Variants in UNC13C observed in about 807,000 individuals in gnomAD.
The protein encoded by UNC13C is protein unc-13 homolog C.
Under a neutral mutation model 245.4 loss-of-function variants are expected in UNC13C, and 174 were observed. The observed-to-expected ratio is 0.71, with a 90% CI of 0.63 to 0.80. The LOEUF is 0.80. Ranked by LOEUF, UNC13C falls within the 30% of genes least tolerant of loss-of-function variation. The pLI is 0.00. For missense variants in UNC13C, 2,829 were observed against 2,602.9 expected (o/e 1.09, Z -1.89); for synonymous variants, 992 against 895.1 (o/e 1.11, Z -1.93).
rs745352845 is a variant in UNC13C, at chr15:54,333,842, T to A, written c.4570T>A (p.Phe1524Ile). 1 of 1,598,972 alleles carries A rather than the reference T, an allele frequency of 6.3e-7. No homozygotes were observed. The highest frequency in any genetic ancestry group is 8.5e-7 in the Non-Finnish European group (1 of 1,170,832). The stretch of plus-strand genomic sequence containing the variant: ...TGTTGACCTGTTAACAAGTATCACC[T>A]TTTTTAGGATGAAGGTATCTCATTT... ...STVDLLTSIT[F>I]FRMKVLELQS... The change falls in exon 16 of 33, where the codon TTT becomes ATT. Residue 1524 changes from phenylalanine to isoleucine, a missense_variant. Physicochemically the swap from Phe to Ile is conservative, Grantham distance 21. Transcript: ENST00000260323.
chr15:54,380,426 A>G (rs1347437397), intron 17 of UNC13C, among the ~76,000 whole-genome samples: 11 of 152,308 alleles, frequency 7.2e-5, no homozygotes, highest in Non-Finnish European at 1.0e-4. Context: ...TAATGCTACA[A>G]TGAATATGGG....
At chr15:54,033,732 G>A (rs1896460702) in intron 2 of UNC13C, among the ~76,000 whole-genome samples, 1 of 152,178 alleles carries the variant, frequency 6.6e-6, no homozygotes, top group Non-Finnish European at 1.5e-5. Flanking sequence ...ATTTTTAAAT[G>A]TTAGGACAGC....
At chr15:54,485,323 G>T (rs1297517662) in intron 19 of UNC13C, among the ~76,000 whole-genome samples, 1 of 152,164 alleles carries the variant, frequency 6.6e-6, no homozygotes, top group Non-Finnish European at 1.5e-5. Flanking sequence ...ATTGAGCAAG[G>T]ATACAAAATT....
the UNC13C span, among the ~76,000 whole-genome samples, chr15:53,854,590 A>G: frequency 1.3e-5 from 2 of 152,164 alleles, no homozygotes; most frequent in African/African-American, 2.4e-5. Context: ...GGTTTGTCAA[A>G]GGTCAGATAG....
chr15:53,899,985 C>T, the UNC13C span, among the ~76,000 whole-genome samples: 2 of 152,164 alleles, frequency 1.3e-5, no homozygotes, highest in Non-Finnish European at 2.9e-5. Flanking sequence ...CGTTTTCTGC[C>T]ATATGTATAT....
At chr15:54,226,233 C>T (rs964003402) in intron 4 of UNC13C, among the ~76,000 whole-genome samples, 18 of 152,152 alleles carry the variant, frequency 1.2e-4, no homozygotes, top group African/African-American at 3.6e-4. Context: ...TTTGCATCAA[C>T]GCTCATCAGA....
the UNC13C span, among the ~76,000 whole-genome samples, chr15:53,939,821 G>T: frequency 6.6e-6 from 1 of 152,066 alleles, no homozygotes; most frequent in Admixed American, 6.6e-5. Flanking sequence ...ACGAGAGAGA[G>T]AGAGAGAGAG....
At chr15:54,119,961 G>T (rs2030554277) in intron 2 of UNC13C, among the ~76,000 whole-genome samples, 1 of 152,080 alleles carries the variant, frequency 6.6e-6, no homozygotes, top group Admixed American at 6.6e-5. Flanking sequence ...AGTTGGAAGA[G>T]GTCAGTTCAT....
At chr15:54,265,044 G>A (rs1403324294) in intron 9 of UNC13C, among the ~76,000 whole-genome samples, 1 of 151,944 alleles carries the variant, frequency 6.6e-6, no homozygotes, top group Non-Finnish European at 1.5e-5. Flanking sequence ...TTTCATATAA[G>A]TGTAGGTGTA....
chr15:54,164,936 C>T (rs2033113710), intron 4 of UNC13C, among the ~76,000 whole-genome samples: 1 of 152,100 alleles, frequency 6.6e-6, no homozygotes. Flanking sequence ...TGTAAAATAA[C>T]TTTTATTAAA....
chr15:54,146,438 G>T (rs1249041663), intron 4 of UNC13C, among the ~76,000 whole-genome samples: 2 of 152,150 alleles, frequency 1.3e-5, no homozygotes, highest in African/African-American at 4.8e-5. Context: ...ACCAGATAAT[G>T]AAATTAATAA....
Position 54,214,868 on chromosome 15 carries a change from G to C in UNC13C, c.3072-20162G>C, listed in dbSNP as rs145271601. ...ATATTTACTACAGCTTTGAACCACA[G>C]AAGTGTGACTTAGATGTTTAAAAGC... is the stretch of plus-strand genomic sequence containing the variant. On this transcript the variant is annotated intron_variant, in intron 4 of 32. Coordinates refer to ENST00000260323, the MANE Select transcript of UNC13C (RefSeq NM_001080534.3). Among the ~76,000 whole-genome samples the C allele has an allele frequency of 1.4e-3, 210 of 152,014 alleles. 1 individual carries two copies. Among genetic ancestry groups the C allele is most frequent in the African/African-American group, 4.9e-3 (205 of 41,508 alleles).
In UNC13C at chr15:54,610,378, G is replaced by T. The variant is rs185152869; in HGVS notation, c.6107-11949G>T. Reference sequence around the variant, plus strand: ...GCCTCCCTAGTATCTGGAATTACAGGCACACACCAACATGCCTAGCTAATT... The same window carrying T: ...GCCTCCCTAGTATCTGGAATTACAGTCACACACCAACATGCCTAGCTAATT... On this transcript the variant is annotated intron_variant, in intron 30 of 32. Coordinates refer to ENST00000260323, the MANE Select transcript of UNC13C (RefSeq NM_001080534.3). 9.1e-4 allele frequency among the ~76,000 whole-genome samples: 139 copies of T among 152,148 alleles called. 2 individuals are homozygous for T. The highest frequency in any genetic ancestry group is 7.9e-3 in the Admixed American group (120 of 15,286).
chr15:54,261,792 C>G (rs2036434018), intron 8 of UNC13C, among the ~76,000 whole-genome samples: 1 of 152,150 alleles, frequency 6.6e-6, no homozygotes, highest in Non-Finnish European at 1.5e-5. Context: ...ATCTGCTGGC[C>G]TCGGCCTCCC....
At chr15:53,968,241 G>A in the UNC13C span, 2 of 152,264 alleles carry the variant, frequency 1.3e-5, no homozygotes, top group South Asian at 4.1e-4. Context: ...CAGTATTACT[G>A]AAGCTCATTT....
chr15:54,175,751 A>G (rs1461669469), intron 4 of UNC13C, among the ~76,000 whole-genome samples: 1 of 152,070 alleles, frequency 6.6e-6, no homozygotes, highest in East Asian at 1.9e-4. Flanking sequence ...TAGTAAGTTT[A>G]GAAACTTTTA....
chr15:54,619,076 T>C (rs1403726990), intron 30 of UNC13C, among the ~76,000 whole-genome samples: 1 of 152,168 alleles, frequency 6.6e-6, no homozygotes, highest in Admixed American at 6.6e-5. Flanking sequence ...GGCAAGCAGC[T>C]TTTCTATGCC....
intron 2 of UNC13C, among the ~76,000 whole-genome samples, chr15:54,054,980 GTT>G (rs762179218): frequency 5.9e-5 from 9 of 152,048 alleles, no homozygotes; most frequent in Non-Finnish European, 8.8e-5. Flanking sequence ...GGCCTACACT[GTT>G]TGATCAGGAT....
At chr15:54,304,741 C>T (rs1247547135) in intron 13 of UNC13C, among the ~76,000 whole-genome samples, 1 of 150,582 alleles carries the variant, frequency 6.6e-6, no homozygotes, top group Non-Finnish European at 1.5e-5. Context: ...AACTTTGGTG[C>T]AATTTTTGCT....
Sources: allele counts gnomAD v4.1 joint callset (sites outside exome capture counted in the v4.1 genomes callset), GRCh38; gene constraint gnomAD v4.1.1; transcripts MANE v1.5; gene names NCBI Gene and HGNC (gene_info 2026-07-23, HGNC 2026-07-21).